Variants in ATP8A2 observed in about 807,000 individuals in gnomAD.
ATP8A2 encodes ATPase phospholipid transporting 8A2.
A neutral mutation model predicts 165.6 loss-of-function variants in ATP8A2; 100 were observed. The ratio of observed to expected loss-of-function variants is 0.60; its 90% CI spans 0.51 to 0.71. The LOEUF is 0.71. ATP8A2 is among the 30% of genes least tolerant of loss of function. The pLI is 0.00. For synonymous variants in ATP8A2, 543 were observed against 548.8 expected, an observed-to-expected ratio of 0.99 and a Z score of 0.15; for missense variants, 1,227 against 1,479.5, an observed-to-expected ratio of 0.83 and a Z score of 2.80.
In ATP8A2 at chr13:25,551,469, T is replaced by A. The variant is rs373292005; in HGVS notation, c.1023T>A (p.Ser341=). 5.0e-6 allele frequency: 8 copies of A among 1,612,750 alleles called. No homozygotes were observed. The highest frequency in any genetic ancestry group is 6.8e-6 in the Non-Finnish European group (8 of 1,179,102). Residue 341 remains serine, a synonymous_variant, in exon 11 of 37, where the codon TCT becomes TCA. Coordinates refer to ENST00000381655, the MANE Select transcript of ATP8A2 (RefSeq NM_016529.6). The stretch of plus-strand genomic sequence containing the variant: ...CGGGGGCCCTGTACTGGAACAGGTC[T>A]CATGGTGAAAAGAACTGGTACATCA... ...SSAGALYWNR[S]HGEKNWYIKK...
intron 24 of ATP8A2, among the ~76,000 whole-genome samples, chr13:25,691,346 C>G (rs1233909937): frequency 6.6e-6 from 1 of 152,184 alleles, no homozygotes; most frequent in Non-Finnish European, 1.5e-5. Flanking sequence ...TATTGTATGT[C>G]AGTTAATAAA....
At chr13:25,608,304 C>A (rs1007594777) in intron 24 of ATP8A2, among the ~76,000 whole-genome samples, 3 of 152,206 alleles carry the variant, frequency 2.0e-5, no homozygotes, top group African/African-American at 7.2e-5. Flanking sequence ...CATATCCAAA[C>A]CATAGCGTGC....
At chr13:25,797,778 C>T (rs1460743159) in intron 27 of ATP8A2, among the ~76,000 whole-genome samples, 1 of 152,116 alleles carries the variant, frequency 6.6e-6, no homozygotes, top group Non-Finnish European at 1.5e-5. Flanking sequence ...GTTTATTACT[C>T]ATAATGGCAC....
At chr13:25,707,964 T>G (rs1462915289) in intron 25 of ATP8A2, among the ~76,000 whole-genome samples, 1 of 152,164 alleles carries the variant, frequency 6.6e-6, no homozygotes, top group East Asian at 1.9e-4. Context: ...CTCTGCAGCT[T>G]TCAACACATG....
At position 25,946,318 on chromosome 13, in the gene ATP8A2, T is replaced by A. The variant is rs551960263; in HGVS notation, c.3184-15257T>A. ...GAGAGTCTCTCTCATACATCTCAAA[T>A]CTGAGATACAGATTGAGAAACACCC... On this transcript the variant is annotated intron_variant, in intron 33 of 36. Transcript: ENST00000381655. Among the ~76,000 whole-genome samples, 6 of 152,160 alleles carry A rather than the reference T, an allele frequency of 3.9e-5. No individual in the cohort carries two copies. The East Asian group carries it at 9.7e-4, about 25-fold the overall frequency.
intron 1 of ATP8A2, among the ~76,000 whole-genome samples, chr13:25,375,586 T>C (rs1231736066): frequency 2.5e-5 from 1 of 40,434 alleles, no homozygotes; most frequent in Non-Finnish European, 3.9e-5. Flanking sequence ...ACAAATATTC[T>C]TTTTTTTTTT....
intron 20 of ATP8A2, among the ~76,000 whole-genome samples, chr13:25,577,669 G>A (rs2039656975): frequency 6.6e-6 from 1 of 152,088 alleles, no homozygotes; most frequent in African/African-American, 2.4e-5. Context: ...ATACCTTCTA[G>A]TAACCAAATC....
At chr13:25,468,881 G>T in intron 1 of ATP8A2, 96 bp from the exon 2 acceptor site, 4 of 1,554,062 alleles carry the variant, frequency 2.6e-6, no homozygotes, top group Non-Finnish European at 3.5e-6. Context: ...ATCCTTCCCC[G>T]CCGGTGGCCG....
chr13:25,785,610 C>T (rs750852772), intron 27 of ATP8A2, among the ~76,000 whole-genome samples: 8 of 152,072 alleles, frequency 5.3e-5, no homozygotes, highest in Non-Finnish European at 8.8e-5. Flanking sequence ...AATCAGATTT[C>T]GTTTAAGTTT....
chr13:25,850,483 C>A (rs1951979356), intron 30 of ATP8A2, among the ~76,000 whole-genome samples: 2 of 150,826 alleles, frequency 1.3e-5, no homozygotes, highest in Non-Finnish European at 2.9e-5. Flanking sequence ...ACCCCCACCC[C>A]AAATATCCAT....
At chr13:25,594,463 G>A (rs2040179866) in intron 24 of ATP8A2, among the ~76,000 whole-genome samples, 1 of 152,036 alleles carries the variant, frequency 6.6e-6, no homozygotes, top group South Asian at 2.1e-4. Context: ...GTGAACAGGT[G>A]GTATTTGGTT....
intron 35 of ATP8A2, among the ~76,000 whole-genome samples, chr13:25,981,181 T>G (rs1409311325): frequency 6.6e-6 from 1 of 152,242 alleles, no homozygotes; most frequent in Non-Finnish European, 1.5e-5. Flanking sequence ...ATACTTTGCC[T>G]TGTGACCTCA....
chr13:25,989,470 A>G (rs1038441240), intron 35 of ATP8A2, among the ~76,000 whole-genome samples: 1 of 152,208 alleles, frequency 6.6e-6, no homozygotes, highest in Non-Finnish European at 1.5e-5. Flanking sequence ...AGTTGATTAA[A>G]AAATATTATT....
At chr13:25,401,128 G>A (rs934995044) in intron 1 of ATP8A2, among the ~76,000 whole-genome samples, 2 of 152,066 alleles carry the variant, frequency 1.3e-5, no homozygotes, top group Non-Finnish European at 2.9e-5. Context: ...GGCACAGCTC[G>A]GAAATGAGAC....
chr13:25,450,998 A>G (rs1421729654), intron 1 of ATP8A2, among the ~76,000 whole-genome samples: 1 of 152,088 alleles, frequency 6.6e-6, no homozygotes, highest in Non-Finnish European at 1.5e-5. Context: ...TTTTCAGCAA[A>G]TTTGGAAATA....
chr13:25,741,909 C>A (rs1318139595), intron 25 of ATP8A2, among the ~76,000 whole-genome samples: 1 of 152,186 alleles, frequency 6.6e-6, no homozygotes, highest in Middle Eastern at 3.2e-3. Context: ...CCACTCCTCC[C>A]TTTGACATCT....
rs575208615 is a variant in ATP8A2, at chr13:25,797,393, T to C, written c.2679+22434T>C. On this transcript the variant is annotated intron_variant, in intron 27 of 36. Transcript: ENST00000381655. Reference sequence around the variant, plus strand: ...AAAATACCTATTTCAAAATATCTCATGTACCCCATAAATATATACACCTAA... The same window carrying C: ...AAAATACCTATTTCAAAATATCTCACGTACCCCATAAATATATACACCTAA... Among the ~76,000 whole-genome samples the C allele has an allele frequency of 5.3e-5, 8 of 152,316 alleles. No homozygotes were observed. The East Asian group carries it at 1.5e-3, about 29-fold the overall frequency.
At chr13:25,559,128 C>A in intron 14 of ATP8A2, 67 bp downstream of exon 14, 2 of 1,096,346 alleles carry the variant, frequency 1.8e-6, no homozygotes, top group Non-Finnish European at 2.7e-6. Context: ...TTATTTTTAG[C>A]TACTTAGTCA....
At chr13:25,457,946 G>GTATT (rs1438194413) in intron 1 of ATP8A2, among the ~76,000 whole-genome samples, 1 of 152,214 alleles carries the variant, frequency 6.6e-6, no homozygotes, top group Non-Finnish European at 1.5e-5. Flanking sequence ...CTGACTGCAT[G>GTATT]TATTTAGTGG....
Sources: allele counts gnomAD v4.1 joint callset (sites outside exome capture counted in the v4.1 genomes callset), GRCh38; gene constraint gnomAD v4.1.1; transcripts MANE v1.5; gene names NCBI Gene and HGNC (gene_info 2026-07-23, HGNC 2026-07-21).